The following OR51B5 variants were observed in gnomAD, a reference collection of about 807,000 sequenced individuals.
OR51B5 encodes the protein olfactory receptor family 51 subfamily B member 5, also known as olfactory receptor 51B5.
For synonymous variants in OR51B5, 186 were observed against 144.8 expected (o/e 1.28, Z -2.04); for missense variants, 456 against 374.6 (o/e 1.22, Z -1.79).
At chr11:5,468,477 T>C (rs1053017930) in intron 1 of OR51B5, 31 of 341,672 alleles carry the variant, frequency 9.1e-5, no homozygotes, top group African/African-American at 5.6e-4. Context: ...CCAGGACAGT[T>C]TTCCTTGATC....
chr11:5,439,137 G>A (rs1850636296), intron 1 of OR51B5, among the ~76,000 whole-genome samples: 1 of 151,804 alleles, frequency 6.6e-6, no homozygotes, highest in Admixed American at 6.6e-5. Flanking sequence ...CTATTTGCCT[G>A]AATGGGAGCC....
At chr11:5,469,053 G>C in intron 1 of OR51B5, 1 of 266,966 alleles carries the variant, frequency 3.7e-6, no homozygotes, top group Admixed American at 5.0e-5. Flanking sequence ...GCCACATAGT[G>C]GTCAAAACTC....
At chr11:5,448,354 C>T (rs921265592) in intron 1 of OR51B5, among the ~76,000 whole-genome samples, 8 of 152,270 alleles carry the variant, frequency 5.3e-5, no homozygotes, top group South Asian at 2.1e-4. Flanking sequence ...CACTGATAAA[C>T]GTACCTTTCT....
chr11:5,443,154 T>G (rs941730435), intron 1 of OR51B5, among the ~76,000 whole-genome samples: 4 of 152,206 alleles, frequency 2.6e-5, no homozygotes, highest in Admixed American at 1.3e-4. Context: ...ATTTGATATC[T>G]CAAAATTAAA....
At chr11:5,390,931 A>AC (rs1239623351) in intron 1 of OR51B5, 19 of 152,464 alleles carry the variant, frequency 1.2e-4, no homozygotes, top group Non-Finnish European at 2.0e-4. Flanking sequence ...TTCAAGCAAC[A>AC]CCCCCCCAAA....
At chr11:5,422,680 C>G in intron 1 of OR51B5, 1 of 1,614,090 alleles carries the variant, frequency 6.2e-7, no homozygotes, top group Non-Finnish European at 8.5e-7. Flanking sequence ...CGGTTCTTCC[C>G]TCCCTTTTCT....
At chr11:5,476,352 G>C (rs1383572124) in intron 1 of OR51B5, among the ~76,000 whole-genome samples, 2 of 152,134 alleles carry the variant, frequency 1.3e-5, no homozygotes, top group Non-Finnish European at 2.9e-5. Context: ...AATCACACAA[G>C]TGACAACACC....
chr11:5,379,753 T>C (rs1849582083), intron 1 of OR51B5, among the ~76,000 whole-genome samples: 1 of 152,188 alleles, frequency 6.6e-6, no homozygotes, highest in African/African-American at 2.4e-5. Flanking sequence ...TTAATCCATT[T>C]TTTGTTTCCT....
At chr11:5,403,526 A>G (rs1419951221) in intron 1 of OR51B5, 4 of 471,454 alleles carry the variant, frequency 8.5e-6, no homozygotes, top group Non-Finnish European at 1.8e-5. Context: ...GAATGCTATT[A>G]GAGAAAAGAC....
chr11:5,347,771 A>AGGGAGAGAGGGAAGAG (rs1849015192), upstream of OR51B5, among the ~76,000 whole-genome samples: 2 of 151,962 alleles, frequency 1.3e-5, no homozygotes, highest in Non-Finnish European at 2.9e-5. Context: ...GGAAGGAGGT[A>AGGGAGAGAGGGAAGAG]GGGAGAGAGG....
chr11:5,359,026 C>T (rs1297309866), intron 1 of OR51B5, among the ~76,000 whole-genome samples: 15 of 152,248 alleles, frequency 9.9e-5, no homozygotes, highest in Admixed American at 9.8e-4. Flanking sequence ...GACAAACCCA[C>T]AGCCAATATC....
rs71050492 is a variant in OR51B5, at chr11:5,381,159, TTC to T, written n.85-34251_85-34250del. On this transcript the variant is annotated intron_variant and non_coding_transcript_variant, in intron 1 of 4. Transcript: ENST00000415970. ...TCTCTCTCTGTCGCTCGCTCGCTGT[TTC>T]TCTCTCTCTCTCTCACACACACACA... 2.5e-3 allele frequency among the ~76,000 whole-genome samples: 273 copies of T among 110,126 alleles called. 2 individuals are homozygous for T. Among genetic ancestry groups the T allele is most frequent in the South Asian group, 0.013 (33 of 2,450 alleles). 72.2% of individuals were successfully genotyped at this position (110,126 alleles called of 152,430 possible).
At chr11:5,390,051 C>T (rs1038376819) in intron 1 of OR51B5, 6 of 1,613,582 alleles carry the variant, frequency 3.7e-6, no homozygotes, top group East Asian at 4.5e-5. Flanking sequence ...GTAGTTTTCA[C>T]TGTGATGCTG....
intron 1 of OR51B5, among the ~76,000 whole-genome samples, chr11:5,354,070 A>G (rs1270816035): frequency 2.0e-5 from 3 of 152,224 alleles, no homozygotes; most frequent in East Asian, 1.9e-4. Flanking sequence ...AACTTCTCAC[A>G]TAGACCATTT....
intron 1 of OR51B5, among the ~76,000 whole-genome samples, chr11:5,379,632 A>C (rs1849580229): frequency 1.3e-5 from 2 of 151,866 alleles, no homozygotes; most frequent in Admixed American, 6.6e-5. Flanking sequence ...ATATGCATTT[A>C]GTTGTGTTTT....
intron 1 of OR51B5, among the ~76,000 whole-genome samples, chr11:5,395,139 A>G (rs1436128357): frequency 3.9e-5 from 6 of 152,156 alleles, no homozygotes; most frequent in Non-Finnish European, 8.8e-5. Context: ...TTGGTCTAGG[A>G]GGATGCTAAT....
chr11:5,469,691 T>C (rs992075572), intron 1 of OR51B5, among the ~76,000 whole-genome samples: 1 of 152,230 alleles, frequency 6.6e-6, no homozygotes, highest in Non-Finnish European at 1.5e-5. Flanking sequence ...CCTTTATTTT[T>C]CTTGTGTCTA....
chr11:5,425,497 GTTTA>G (rs1376677167), intron 1 of OR51B5, among the ~76,000 whole-genome samples: 5 of 152,150 alleles, frequency 3.3e-5, no homozygotes, highest in African/African-American at 4.8e-5. Context: ...GAGATAAACT[GTTTA>G]TTGTCTTCTT....
intron 1 of OR51B5, chr11:5,390,386 G>C: frequency 6.3e-7 from 1 of 1,576,738 alleles, no homozygotes; most frequent in Non-Finnish European, 8.6e-7. Flanking sequence ...ATGAGTCCTG[G>C]GGCTAAAACT....
Sources: allele counts gnomAD v4.1 joint callset (sites outside exome capture counted in the v4.1 genomes callset), GRCh38; gene constraint gnomAD v4.1.1; transcripts MANE v1.5; gene names NCBI Gene and HGNC (gene_info 2026-07-23, HGNC 2026-07-21).